Variants in HPSE2 observed in about 807,000 individuals in gnomAD.
The protein encoded by HPSE2 is inactive heparanase-2.
HPSE2 carries 38 observed loss-of-function variants against 60.5 expected under a neutral mutation model. The observed-to-expected ratio is 0.63, with a 90% CI of 0.48 to 0.82. HPSE2 has a LOEUF of 0.82. HPSE2 is among the 40% of genes least tolerant of loss of function. HPSE2 has a pLI of 0.00. For missense variants in HPSE2, 713 were observed against 740.4 expected (o/e 0.96, Z 0.43); for synonymous variants, 295 against 293.2 (o/e 1.01, Z -0.06).
intron 3 of HPSE2, among the ~76,000 whole-genome samples, chr10:99,030,629 C>T (rs1957478172): frequency 6.6e-6 from 1 of 152,160 alleles, no homozygotes; most frequent in Admixed American, 6.5e-5. Context: ...ATCCGGCAAT[C>T]CCACTGCTGG....
intron 6 of HPSE2, among the ~76,000 whole-genome samples, chr10:98,690,765 A>G (rs1271687185): frequency 3.9e-5 from 6 of 152,040 alleles, no homozygotes. Flanking sequence ...TTGTAATTAT[A>G]CTTTCATCTT....
chr10:98,723,689 T>C (rs1364009045), intron 4 of HPSE2, among the ~76,000 whole-genome samples: 1 of 152,212 alleles, frequency 6.6e-6, no homozygotes. Context: ...TGGTTTAGTC[T>C]TGGCAGAGTG....
intron 2 of HPSE2, among the ~76,000 whole-genome samples, chr10:99,185,541 G>A (rs944587240): frequency 2.6e-5 from 4 of 152,136 alleles, no homozygotes; most frequent in African/African-American, 9.7e-5. Flanking sequence ...TTGGGAGGCT[G>A]AGGTGGGCAG....
chr10:99,274,307 C>T, the HPSE2 span, among the ~76,000 whole-genome samples: 7 of 152,136 alleles, frequency 4.6e-5, no homozygotes, highest in African/African-American at 1.7e-4. Flanking sequence ...AGGATCCTAC[C>T]ACTGTGCTCC....
At chr10:98,976,556 G>A (rs539534433) in intron 3 of HPSE2, among the ~76,000 whole-genome samples, 29 of 152,122 alleles carry the variant, frequency 1.9e-4, no homozygotes, top group African/African-American at 6.7e-4. Flanking sequence ...ATGGGTGGTT[G>A]GGAAGATATT....
At chr10:99,036,713 A>C (rs913952851) in intron 3 of HPSE2, among the ~76,000 whole-genome samples, 3 of 152,174 alleles carry the variant, frequency 2.0e-5, no homozygotes. Context: ...TAGTGGGTAA[A>C]AGTTTAAAGA....
intron 3 of HPSE2, among the ~76,000 whole-genome samples, chr10:98,837,166 A>C (rs1271790734): frequency 6.6e-6 from 1 of 152,252 alleles, no homozygotes; most frequent in East Asian, 1.9e-4. Flanking sequence ...ACTTTAACCT[A>C]TTCAAGTTGA....
At chr10:98,588,085 T>A (rs943512430) in intron 9 of HPSE2, among the ~76,000 whole-genome samples, 1 of 152,216 alleles carries the variant, frequency 6.6e-6, no homozygotes, top group African/African-American at 2.4e-5. Context: ...AGCTTTGAGT[T>A]TCAAATTAGC....
At chr10:98,999,409 G>A (rs992809685) in intron 3 of HPSE2, among the ~76,000 whole-genome samples, 2 of 152,134 alleles carry the variant, frequency 1.3e-5, no homozygotes, top group South Asian at 2.1e-4. Flanking sequence ...CCTTGTGAAA[G>A]TAATTGTATA....
intron 3 of HPSE2, among the ~76,000 whole-genome samples, chr10:99,105,379 C>T (rs1844201380): frequency 6.6e-6 from 1 of 151,230 alleles, no homozygotes. Context: ...ATTTGAATAT[C>T]TTCTTTGGAA....
intron 3 of HPSE2, among the ~76,000 whole-genome samples, chr10:98,935,295 C>T (rs1954756736): frequency 7.0e-6 from 1 of 142,882 alleles, no homozygotes; most frequent in Non-Finnish European, 1.5e-5. Flanking sequence ...TCAGTTCATC[C>T]ATCTCAGCTT....
At chr10:98,471,367 A>G (rs1044035986) in intron 11 of HPSE2, among the ~76,000 whole-genome samples, 2 of 152,084 alleles carry the variant, frequency 1.3e-5, no homozygotes, top group African/African-American at 4.8e-5. Flanking sequence ...AAAGCTCCCC[A>G]GGTAGTTGGA....
At chr10:98,960,701 C>CTTTTTTTTTTTTTTTTTTTTTTTTTTTT in intron 3 of HPSE2, among the ~76,000 whole-genome samples, 41 of 57,518 alleles carry the variant, frequency 7.1e-4, no homozygotes, top group African/African-American at 9.2e-4. Flanking sequence ...ATGTACATTT[C>CTTTTTTTTTTTTTTTTTTTTTTTTTTTT]TTTTTTTTTT....
intron 6 of HPSE2, among the ~76,000 whole-genome samples, chr10:98,688,397 A>AT (rs1947973699): frequency 7.0e-6 from 1 of 142,198 alleles, no homozygotes; most frequent in African/African-American, 2.6e-5. Flanking sequence ...GCTCTTCATT[A>AT]TTTTTTGAGA....
chr10:99,037,296 G>C (rs1039705024), intron 3 of HPSE2, among the ~76,000 whole-genome samples: 1 of 151,960 alleles, frequency 6.6e-6, no homozygotes, highest in African/African-American at 2.4e-5. Context: ...AGAAAAGCTG[G>C]GGAAATCTGA....
intron 6 of HPSE2, among the ~76,000 whole-genome samples, chr10:98,687,433 T>C (rs1023407981): frequency 2.6e-5 from 4 of 152,234 alleles, no homozygotes; most frequent in Non-Finnish European, 5.9e-5. Context: ...TCTTTATGCC[T>C]TCCTCTTCTA....
chr10:99,200,898 C>T (rs1341081642), intron 2 of HPSE2, among the ~76,000 whole-genome samples: 2 of 152,208 alleles, frequency 1.3e-5, no homozygotes, highest in South Asian at 2.1e-4. Flanking sequence ...AAAGTACTTC[C>T]TACCCATGTA....
chr10:98,959,305 TC>T (rs1341545940), intron 3 of HPSE2, among the ~76,000 whole-genome samples: 1 of 140,722 alleles, frequency 7.1e-6, no homozygotes, highest in Non-Finnish European at 1.5e-5. Context: ...AATTTCACAT[TC>T]CCCACAGAAC....
At chr10:98,700,026 A>G (rs1475208372) in intron 5 of HPSE2, among the ~76,000 whole-genome samples, 6 of 151,772 alleles carry the variant, frequency 4.0e-5, no homozygotes, top group Admixed American at 3.9e-4. Flanking sequence ...TTCCATGCTC[A>G]TGGGTAGGAA....
Sources: gnomAD v4.1 joint callset for allele counts (sites outside exome capture counted in the v4.1 genomes callset) on GRCh38, gnomAD v4.1.1 for gene constraint, MANE v1.5 for transcripts, NCBI Gene and HGNC (gene_info 2026-07-23, HGNC 2026-07-21) for gene names.